The following WDR49 variants were observed in gnomAD, a reference collection of about 807,000 sequenced individuals.
WDR49 encodes the protein cilia- and flagella-associated protein 337.
Under a neutral mutation model 119.5 loss-of-function variants are expected in WDR49, and 107 were observed. That is an observed-to-expected ratio of 0.90 (90% CI 0.77 to 1.05). The LOEUF (loss-of-function observed/expected upper bound fraction) is 1.05. WDR49 is among the 50% of genes least tolerant of loss of function. The probability of loss-of-function intolerance (pLI) is 0.00; values close to 1 mark genes in which losing one functional copy is unlikely to be tolerated. For missense variants in WDR49, 1,240 were observed against 1,220.5 expected (o/e 1.02, Z -0.24); for synonymous variants, 425 against 418.8 (o/e 1.01, Z -0.18).
chr3:167,509,858 C>T (rs962728751), intron 16 of WDR49, among the ~76,000 whole-genome samples: 1 of 152,166 alleles, frequency 6.6e-6, no homozygotes, highest in Admixed American at 6.5e-5. Context: ...TCCATGGATA[C>T]TCATATTAAC....
intron 16 of WDR49, among the ~76,000 whole-genome samples, chr3:167,521,667 A>G (rs1217575531): frequency 6.6e-6 from 1 of 152,184 alleles, no homozygotes; most frequent in Non-Finnish European, 1.5e-5. Flanking sequence ...ATAAGCTCAG[A>G]TATCTATCTC....
chr3:167,534,096 G>T (rs918384839), intron 11 of WDR49, among the ~76,000 whole-genome samples: 2 of 152,022 alleles, frequency 1.3e-5, no homozygotes, highest in African/African-American at 2.4e-5. Flanking sequence ...TAGGGAGGCT[G>T]AGGCAGCAGA....
intron 2 of WDR49, among the ~76,000 whole-genome samples, chr3:167,633,947 T>C (rs753347952): frequency 8.6e-5 from 13 of 152,004 alleles, no homozygotes; most frequent in Non-Finnish European, 1.6e-4. Flanking sequence ...AAGTATACAC[T>C]TAATATAGAT....
At chr3:167,561,390 ACT>A (rs770382546) in intron 8 of WDR49, among the ~76,000 whole-genome samples, 8 of 152,144 alleles carry the variant, frequency 5.3e-5, no homozygotes, top group Admixed American at 4.6e-4. Flanking sequence ...CAGATCAGAA[ACT>A]CTGATTCAAT....
Position 167,536,898 on chromosome 3 carries a change from C to T in WDR49, c.1926G>A (p.Ala642=), listed in dbSNP as rs200046064. ...IQHHDDILCA[A]FLPPQTLVTG... ...TAACAAGAGTTTGTGGAGGTAAAAA[C>T]GCAGCACACAAGATGTCATCATGGT... Residue 642 remains alanine (A), a synonymous_variant, in exon 11 of 19, where the codon GCG becomes GCA. Transcript: ENST00000682715. The T allele has an allele frequency of 1.8e-5, 27 of 1,517,968 alleles. No homozygotes were observed. The highest frequency in any genetic ancestry group is 1.4e-4 in the African/African-American group (10 of 70,964). The allele number at this position is 1,517,968 out of a possible 1,614,324, so 94.0% of individuals were successfully genotyped here.
At chr3:167,638,986 C>T (rs945625357) in intron 2 of WDR49, among the ~76,000 whole-genome samples, 4 of 151,604 alleles carry the variant, frequency 2.6e-5, no homozygotes, top group African/African-American at 4.8e-5. Context: ...TAAAGATGAT[C>T]ATCACCCCTG....
rs397943380 is a variant in WDR49, at chr3:167,497,892, T to TTTC, written c.3031+2260_3031+2261insGAA. On this transcript the variant is annotated intron_variant, in intron 18 of 18. Transcript: ENST00000682715. ...TATTCATTCTTTTTTTTTTTTTTTT[T>TTTC]CAACAGGCTAGTGCAGTGGCACAAT... Among the ~76,000 whole-genome samples the TTTC allele has an allele frequency of 4.9e-3, 740 of 151,420 alleles. 8 individuals are homozygous for TTTC. The highest frequency in any genetic ancestry group is 0.017 in the African/African-American group (699 of 41,200).
chr3:167,590,906 T>C (rs1194628716), intron 7 of WDR49, among the ~76,000 whole-genome samples: 2 of 152,112 alleles, frequency 1.3e-5, no homozygotes, highest in East Asian at 3.8e-4. Context: ...TTGTATTCTT[T>C]CTTCATTTCA....
intron 2 of WDR49, among the ~76,000 whole-genome samples, chr3:167,627,892 G>C (rs1012144002): frequency 2.0e-5 from 3 of 152,066 alleles, no homozygotes; most frequent in African/African-American, 7.2e-5. Flanking sequence ...TGGCAACCTT[G>C]CAAGTCTATC....
chr3:167,515,512 C>A (rs1752163307), intron 16 of WDR49, among the ~76,000 whole-genome samples: 1 of 152,056 alleles, frequency 6.6e-6, no homozygotes, highest in Non-Finnish European at 1.5e-5. Context: ...TCACTTATGC[C>A]AAACTCATAG....
intron 16 of WDR49, among the ~76,000 whole-genome samples, chr3:167,516,963 A>G (rs556901673): frequency 6.6e-6 from 1 of 152,306 alleles, no homozygotes; most frequent in South Asian, 2.1e-4. Context: ...GACACATGAA[A>G]AAATGCTCAT....
intron 10 of WDR49, among the ~76,000 whole-genome samples, chr3:167,538,829 G>T (rs1178546387): frequency 6.6e-6 from 1 of 152,148 alleles, no homozygotes; most frequent in African/African-American, 2.4e-5. Context: ...TTTGCAAGAT[G>T]AAAACACTCT....
chr3:167,602,212 C>T lies in WDR49; in HGVS notation c.1190G>A (p.Gly397Asp), dbSNP rs1344720186. 6.8e-6 allele frequency: 11 copies of T among 1,606,380 alleles called. No individual in the cohort carries two copies. In the South Asian group the frequency reaches 1.2e-4, roughly 18 times the overall value. ...ACTGGCTGAGTGGCCCCAAAGGACA[C>T]CCACTGGTTTAGAGACAACATAGGG... ...WNPYVVSKPV[G>D]VLWGHSASVI... The change falls in exon 7 of 19, where the codon GGT becomes GAT. Residue 397 changes from glycine (G) to aspartate (D), a missense_variant. Transcript: ENST00000682715.
intron 18 of WDR49, among the ~76,000 whole-genome samples, chr3:167,488,145 AACACACACAC>A (rs57719248): frequency 0.024 from 3,318 of 136,254 alleles, 84 homozygotes; most frequent in African/African-American, 0.073. Flanking sequence ...GATACACTCA[AACACACACAC>A]ACACACACAC....
intron 2 of WDR49, among the ~76,000 whole-genome samples, chr3:167,652,883 A>C (rs1232933413): frequency 6.6e-6 from 1 of 152,160 alleles, no homozygotes; most frequent in Non-Finnish European, 1.5e-5. Flanking sequence ...CTATGTCCGT[A>C]TTAAATGCAA....
chr3:167,656,859 A>G (rs769052368), upstream of WDR49, among the ~76,000 whole-genome samples: 1 of 152,160 alleles, frequency 6.6e-6, no homozygotes, highest in Non-Finnish European at 1.5e-5. Flanking sequence ...TGACAGTTTA[A>G]TCACCTTTAG....
At position 167,527,960 on chromosome 3, in the gene WDR49, A is replaced by G. The variant is rs769286913; in HGVS notation, c.2464T>C (p.Ser822Pro). 27 of 1,613,186 alleles carry G rather than the reference A, an allele frequency of 1.7e-5. No homozygotes were observed. Among genetic ancestry groups the G allele is most frequent in the Non-Finnish European group, 1.9e-5 (22 of 1,179,548 alleles). ...ATTCGGTCCTCATGAGGTTGGAATGATCTTATCAGAGTTGGGGCCTTGGTG... is the reference window on the plus strand; with the variant it reads ...ATTCGGTCCTCATGAGGTTGGAATGGTCTTATCAGAGTTGGGGCCTTGGTG... ...KITKAPTLIR[S>P]FQPHEDRISS... The change falls in exon 15 of 19, where the codon TCA becomes CCA. Residue 822 changes from serine (S) to proline (P), a missense_variant. Physicochemically the swap from Ser to Pro is moderately conservative, Grantham distance 74 (BLOSUM62 -1). Coordinates refer to ENST00000682715, the MANE Select transcript of WDR49 (RefSeq NM_001366157.1).
intron 16 of WDR49, among the ~76,000 whole-genome samples, chr3:167,520,345 C>G (rs1054516682): frequency 6.6e-6 from 1 of 152,042 alleles, no homozygotes; most frequent in African/African-American, 2.4e-5. Flanking sequence ...TAATACTTGC[C>G]TTCACTCTGC....
At chr3:167,585,797 AAT>A (rs1171756752) in intron 7 of WDR49, among the ~76,000 whole-genome samples, 2 of 152,030 alleles carry the variant, frequency 1.3e-5, no homozygotes, top group East Asian at 3.8e-4. Flanking sequence ...ATAGCAAAAC[AAT>A]ATAAGAAGAT....
Sources: allele counts gnomAD v4.1 joint callset (sites outside exome capture counted in the v4.1 genomes callset), GRCh38; gene constraint gnomAD v4.1.1; transcripts MANE v1.5; gene names NCBI Gene and HGNC (gene_info 2026-07-23, HGNC 2026-07-21).